Variants in USP28 observed in about 807,000 individuals in gnomAD.
The protein encoded by USP28 is ubiquitin carboxyl-terminal hydrolase 28.
A neutral mutation model predicts 145.0 loss-of-function variants in USP28; 113 were observed. The ratio of observed to expected loss-of-function variants is 0.78; its 90% CI spans 0.67 to 0.91. The LOEUF is 0.91. Ranked by LOEUF, USP28 falls within the 40% of genes least tolerant of loss-of-function variation. The pLI, the probability that USP28 is intolerant of heterozygous loss-of-function variation, is 0.00. For missense variants in USP28, 1,201 were observed against 1,289.6 expected (o/e 0.93, Z 1.05); for synonymous variants, 447 against 450.9 (o/e 0.99, Z 0.11).
At chr11:113,864,548 C>G (rs1948077561) in intron 1 of USP28, among the ~76,000 whole-genome samples, 1 of 152,102 alleles carries the variant, frequency 6.6e-6, no homozygotes, top group South Asian at 2.1e-4. Context: ...GTCTGAAGTC[C>G]TGTGAACCAA....
At chr11:113,872,086 T>C (rs933327293) in intron 1 of USP28, among the ~76,000 whole-genome samples, 2 of 152,254 alleles carry the variant, frequency 1.3e-5, no homozygotes, top group Non-Finnish European at 2.9e-5. Flanking sequence ...ACATAGTGCA[T>C]GCTCAATTAG....
At chr11:113,870,534 A>G (rs73554863) in intron 1 of USP28, among the ~76,000 whole-genome samples, 8 of 152,342 alleles carry the variant, frequency 5.3e-5, no homozygotes, top group African/African-American at 1.9e-4. Context: ...GCCTTGGCAA[A>G]GTAGGCTGCT....
At chr11:113,830,811 C>A (rs1253191446) in intron 9 of USP28, 56 bp downstream of exon 9, 6 of 1,549,922 alleles carry the variant, frequency 3.9e-6, no homozygotes, top group Non-Finnish European at 5.3e-6. Flanking sequence ...CAAAGGGACA[C>A]AGTAATAAAG....
At chr11:113,798,224 G>C (rs140282271) in exon 25 of USP28, 4,607 of 152,224 alleles carry the variant, frequency 0.03, 113 homozygotes, top group South Asian at 0.053. Flanking sequence ...AGATCAGCCT[G>C]GCCAATATGG....
At chr11:113,802,651 G>T (rs1939242562) in intron 23 of USP28, among the ~76,000 whole-genome samples, 1 of 152,190 alleles carries the variant, frequency 6.6e-6, no homozygotes, top group Admixed American at 6.5e-5. Flanking sequence ...TGACAATGAT[G>T]TTATCAGAAC....
chr11:113,861,470 T>C (rs1947688544), intron 1 of USP28, among the ~76,000 whole-genome samples: 1 of 152,210 alleles, frequency 6.6e-6, no homozygotes, highest in Non-Finnish European at 1.5e-5. Context: ...TTAAAAGTGT[T>C]TAAAATTTAG....
chr11:113,853,703 C>T (rs532551170), intron 2 of USP28, among the ~76,000 whole-genome samples: 3 of 151,928 alleles, frequency 2.0e-5, no homozygotes, highest in African/African-American at 7.2e-5. Flanking sequence ...GGTGAAACCC[C>T]GTCTCTACTA....
intron 16 of USP28, among the ~76,000 whole-genome samples, chr11:113,811,443 T>C (rs538253674): frequency 1.3e-5 from 2 of 152,290 alleles, no homozygotes; most frequent in South Asian, 4.1e-4. Flanking sequence ...ATCCCAGCAC[T>C]TTGAGAGGCC....
chr11:113,862,193 A>C (rs988162003), intron 1 of USP28, among the ~76,000 whole-genome samples: 21 of 152,114 alleles, frequency 1.4e-4, no homozygotes, highest in African/African-American at 5.1e-4. Context: ...CTAAAAATAC[A>C]AAAATTAGCT....
chr11:113,869,828 G>C (rs1297017321), intron 1 of USP28, among the ~76,000 whole-genome samples: 1 of 152,152 alleles, frequency 6.6e-6, no homozygotes, highest in Non-Finnish European at 1.5e-5. Context: ...TGTTCAAAAA[G>C]CACTGGGAAA....
intron 2 of USP28, 149 bp from the exon 3 acceptor site, chr11:113,852,782 T>A (rs1946619703): frequency 1.1e-6 from 1 of 896,834 alleles, no homozygotes; most frequent in Non-Finnish European, 1.7e-6. Flanking sequence ...GGACAGTAGG[T>A]CTAATGTGCT....
At chr11:113,813,617 A>C (rs1473233785) in intron 15 of USP28, 2 of 391,046 alleles carry the variant, frequency 5.1e-6, no homozygotes, top group African/African-American at 2.1e-5. Context: ...AATTTTTATT[A>C]GTATCTGACA....
intron 1 of USP28, among the ~76,000 whole-genome samples, chr11:113,857,219 C>T (rs1947148653): frequency 6.6e-6 from 1 of 152,138 alleles, no homozygotes; most frequent in African/African-American, 2.4e-5. Flanking sequence ...CACTGCTTGG[C>T]ATGTGATAGG....
chr11:113,800,784 C>T (rs1633548), intron 24 of USP28, among the ~76,000 whole-genome samples: 13,345 of 151,748 alleles, frequency 0.088, 698 homozygotes, highest in Non-Finnish European at 0.11. Context: ...TGCTATATAA[C>T]TTCAAGCCAC....
exon 25 of USP28, chr11:113,798,066 G>GTTTTTTTTTT (rs528048657): frequency 3.3e-5 from 3 of 91,252 alleles, no homozygotes; most frequent in Admixed American, 1.5e-4. Context: ...ATGTATGCTG[G>GTTTTTTTTTT]TTTTTTTTTT....
intron 22 of USP28, 63 bp from the exon 24 acceptor site, chr11:113,803,344 C>T (rs1235421020): frequency 2.0e-6 from 3 of 1,491,058 alleles, no homozygotes; most frequent in African/African-American, 2.9e-5. Flanking sequence ...GGGCTTAGAC[C>T]TCACTTTTCC....
intron 3 of USP28, among the ~76,000 whole-genome samples, chr11:113,851,573 A>T (rs185604741): frequency 1.3e-5 from 2 of 152,250 alleles, no homozygotes; most frequent in East Asian, 3.9e-4. Context: ...AGGCGGGTGG[A>T]TCACCTGAGG....
chr11:113,858,643 G>T (rs760260588), intron 1 of USP28, among the ~76,000 whole-genome samples: 2 of 152,092 alleles, frequency 1.3e-5, no homozygotes, highest in Non-Finnish European at 2.9e-5. Context: ...ACGGAGTCTT[G>T]CTGTCACCCA....
chr11:113,832,099 T>G, intron 7 of USP28, 106 bp from the exon 8 acceptor site: 1 of 936,728 alleles, frequency 1.1e-6, no homozygotes, highest in Non-Finnish European at 1.6e-6. Context: ...TATAAAAGCA[T>G]TTCTTTTTTT....
Sources: gnomAD v4.1 joint callset for allele counts (sites outside exome capture counted in the v4.1 genomes callset) on GRCh38, gnomAD v4.1.1 for gene constraint, MANE v1.5 for transcripts, NCBI Gene and HGNC (gene_info 2026-07-23, HGNC 2026-07-21) for gene names.